Variants in ADGRL3 observed in about 807,000 individuals in gnomAD.
ADGRL3 encodes calcium-independent alpha-latrotoxin receptor 3.
ADGRL3 carries 62 observed loss-of-function variants against 153.5 expected under a neutral mutation model. That is an observed-to-expected ratio of 0.40 (90% confidence interval 0.33 to 0.50). The LOEUF (loss-of-function observed/expected upper bound fraction) is 0.50, where lower values mean the gene tolerates loss of function less well. ADGRL3 is among the 20% of genes least tolerant of loss of function. ADGRL3 has a pLI of 0.47. For synonymous variants in ADGRL3, 710 were observed against 672.5 expected (o/e 1.06, Z -0.86); for missense variants, 1,641 against 1,859.4 (o/e 0.88, Z 2.16).
chr4:61,220,209 A>G (rs932078808), intron 1 of ADGRL3, among the ~76,000 whole-genome samples: 12 of 152,210 alleles, frequency 7.9e-5, no homozygotes, highest in African/African-American at 2.9e-4. Context: ...TTTGGTTATG[A>G]AAATGAGATT....
At chr4:61,724,848 G>C (rs946123879) in intron 6 of ADGRL3, among the ~76,000 whole-genome samples, 1 of 152,018 alleles carries the variant, frequency 6.6e-6, no homozygotes, top group African/African-American at 2.4e-5. Flanking sequence ...ATCTGTTTTG[G>C]AATAATAACT....
At chr4:61,592,864 A>T (rs1426353257) in intron 5 of ADGRL3, among the ~76,000 whole-genome samples, 1 of 152,180 alleles carries the variant, frequency 6.6e-6, no homozygotes, top group Non-Finnish European at 1.5e-5. Context: ...TGCCCACAGG[A>T]ACTATTAACC....
intron 1 of ADGRL3, among the ~76,000 whole-genome samples, chr4:61,311,845 T>A (rs144476206): frequency 3.9e-5 from 6 of 152,262 alleles, no homozygotes; most frequent in Admixed American, 3.9e-4. Flanking sequence ...GACCCATATA[T>A]ATTTGTACAC....
At chr4:61,788,302 C>T (rs759037429) in intron 8 of ADGRL3, among the ~76,000 whole-genome samples, 1 of 152,190 alleles carries the variant, frequency 6.6e-6, no homozygotes, top group Non-Finnish European at 1.5e-5. Flanking sequence ...CCTACCTCTA[C>T]TGGAACAGGT....
chr4:61,293,499 A>G (rs1374403098), intron 1 of ADGRL3, among the ~76,000 whole-genome samples: 1 of 152,192 alleles, frequency 6.6e-6, no homozygotes, highest in Non-Finnish European at 1.5e-5. Flanking sequence ...ATATATAAGT[A>G]GCTGAAGTAC....
chr4:61,833,916 A>T (rs959529836), intron 9 of ADGRL3, among the ~76,000 whole-genome samples: 2 of 150,122 alleles, frequency 1.3e-5, no homozygotes, highest in African/African-American at 4.9e-5. Context: ...ATTAGGTCAG[A>T]TCCCTTTCAC....
intron 21 of ADGRL3, among the ~76,000 whole-genome samples, chr4:62,000,386 G>A (rs1168964877): frequency 6.6e-6 from 1 of 151,522 alleles, no homozygotes; most frequent in Non-Finnish European, 1.5e-5. Flanking sequence ...TTTGTATAAT[G>A]TTCATATGTA....
intron 25 of ADGRL3, among the ~76,000 whole-genome samples, chr4:62,050,609 TG>T (rs1177329601): frequency 1.3e-5 from 2 of 151,996 alleles, no homozygotes; most frequent in Non-Finnish European, 2.9e-5. Flanking sequence ...AAAATGCAAA[TG>T]AAAAAAATCT....
intron 5 of ADGRL3, among the ~76,000 whole-genome samples, chr4:61,646,920 A>G (rs2094020283): frequency 1.3e-5 from 2 of 152,178 alleles, no homozygotes; most frequent in Admixed American, 6.5e-5. Flanking sequence ...TGTGCTAGCA[A>G]TCAGCGAGAC....
chr4:61,332,182 A>G (rs1434141555), intron 1 of ADGRL3, among the ~76,000 whole-genome samples: 1 of 152,288 alleles, frequency 6.6e-6, no homozygotes, highest in Non-Finnish European at 1.5e-5. Context: ...TTGCACTACC[A>G]TCATAAATTG....
intron 9 of ADGRL3, among the ~76,000 whole-genome samples, chr4:61,861,171 G>A (rs904649641): frequency 1.3e-5 from 2 of 152,162 alleles, no homozygotes; most frequent in Non-Finnish European, 2.9e-5. Flanking sequence ...CTGAGAGTAG[G>A]GGTGTATATC....
chr4:61,748,414 C>G (rs1220025391), intron 8 of ADGRL3, among the ~76,000 whole-genome samples: 4 of 151,024 alleles, frequency 2.6e-5, no homozygotes, highest in African/African-American at 7.4e-5. Context: ...CAATCCTAAG[C>G]CAAAAGAACA....
intron 13 of ADGRL3, among the ~76,000 whole-genome samples, chr4:61,925,926 A>C (rs192788695): frequency 6.6e-6 from 1 of 152,316 alleles, no homozygotes; most frequent in Non-Finnish European, 1.5e-5. Flanking sequence ...GTGAGGATAC[A>C]TTCCGAGAAA....
intron 4 of ADGRL3, 29 bp from the exon 5 acceptor site, chr4:61,587,198 A>T: frequency 6.6e-7 from 1 of 1,507,702 alleles, no homozygotes; most frequent in Non-Finnish European, 9.1e-7. Flanking sequence ...TAACGATGGC[A>T]TCTCTTTTCT....
chr4:61,905,169 G>T (rs1490697097), intron 11 of ADGRL3, among the ~76,000 whole-genome samples: 1 of 152,064 alleles, frequency 6.6e-6, no homozygotes, highest in African/African-American at 2.4e-5. Flanking sequence ...AGCTATCTTA[G>T]ATATTCCTAT....
chr4:61,699,640 G>A (rs1488481672), intron 6 of ADGRL3, among the ~76,000 whole-genome samples: 1 of 151,972 alleles, frequency 6.6e-6, no homozygotes, highest in Non-Finnish European at 1.5e-5. Context: ...GACCCATTAG[G>A]ATTTTTATTT....
At chr4:61,409,441 T>C (rs968818518) in intron 2 of ADGRL3, among the ~76,000 whole-genome samples, 6 of 146,192 alleles carry the variant, frequency 4.1e-5, no homozygotes, top group Non-Finnish European at 7.5e-5. Context: ...TCTATCTCAT[T>C]CCAAGCTTTC....
At chr4:61,804,211 T>C (rs2097530118) in intron 8 of ADGRL3, among the ~76,000 whole-genome samples, 2 of 152,218 alleles carry the variant, frequency 1.3e-5, no homozygotes, top group African/African-American at 4.8e-5. Context: ...CTTAGGTCAT[T>C]CTGATCCCAT....
At position 61,280,107 on chromosome 4, in the gene ADGRL3, CT is replaced by C. The variant is rs771732117; in HGVS notation, c.-240+78347del. Among the ~76,000 whole-genome samples the C allele has an allele frequency of 5.9e-3, 560 of 94,638 alleles. 4 individuals carry two copies. The highest frequency in any genetic ancestry group is 0.012 in the Admixed American group (80 of 6,458). 62.1% of individuals were successfully genotyped at this position (94,638 alleles called of 152,430 possible). On this transcript the variant is annotated intron_variant, in intron 1 of 26. Coordinates refer to ENST00000683033, the MANE Select transcript of ADGRL3 (RefSeq NM_001387552.1). ...AAAGTATTTTCTTTTCTTTTCTTTT[CT>C]TTTTCTTTTTTTTTTTTTTGAGACC... is the stretch of plus-strand genomic sequence containing the variant.
Sources: allele counts gnomAD v4.1 joint callset (sites outside exome capture counted in the v4.1 genomes callset), GRCh38; gene constraint gnomAD v4.1.1; transcripts MANE v1.5; gene names NCBI Gene and HGNC (gene_info 2026-07-23, HGNC 2026-07-21).